BRF1: variants seen among roughly 807,000 people sequenced by gnomAD.
The protein encoded by BRF1 is transcription factor IIIB 90 kDa subunit.
BRF1 carries 59 observed loss-of-function variants against 81.7 expected under a neutral mutation model. The ratio of observed to expected loss-of-function variants is 0.72; its 90% CI spans 0.59 to 0.90. The LOEUF (loss-of-function observed/expected upper bound fraction) is 0.90. BRF1 is among the 40% of genes least tolerant of loss of function. The pLI is 0.00. For missense variants in BRF1, 1,050 were observed against 936.3 expected (o/e 1.12, Z -1.58); for synonymous variants, 491 against 395.6 (o/e 1.24, Z -2.86).
At chr14:105,260,322 C>T (rs2056090082) in intron 3 of BRF1, among the ~76,000 whole-genome samples, 2 of 152,018 alleles carry the variant, frequency 1.3e-5, no homozygotes, top group South Asian at 4.1e-4. Context: ...GAGCGGACCA[C>T]AGGTGTGAGC....
At position 105,269,477 on chromosome 14, in the gene BRF1, G is replaced by A. The variant is rs2056567317; in HGVS notation, c.439+3244C>T. Among the ~76,000 whole-genome samples, 1 of 152,114 alleles carries A rather than the reference G, an allele frequency of 6.6e-6. No homozygotes were observed. Among genetic ancestry groups the A allele is most frequent in the African/African-American group, 2.4e-5 (1 of 41,406 alleles). ...TGGGTTTTCGTAAATCCCCAGAGCT[G>A]AGCAACCACCACCAGGATCTAATTT... On this transcript the variant is annotated intron_variant, in intron 3 of 17. Transcript: ENST00000547530. The surrounding 1 kb of genome is among the most constrained non-coding windows in gnomAD (Gnocchi z 5.0).
intron 6 of BRF1, among the ~76,000 whole-genome samples, chr14:105,229,493 C>G (rs140387111): frequency 6.6e-6 from 1 of 152,198 alleles, no homozygotes; most frequent in Non-Finnish European, 1.5e-5. Context: ...AGGGCCCTGC[C>G]GACCTGGGGC....
upstream of BRF1, among the ~76,000 whole-genome samples, chr14:105,301,804 T>C (rs2058039502): frequency 1.3e-5 from 2 of 152,184 alleles, no homozygotes; most frequent in Non-Finnish European, 2.9e-5. Context: ...CTGTTCACAA[T>C]CGCCATAGGG....
At chr14:105,229,431 C>T (rs1050866371) in intron 6 of BRF1, among the ~76,000 whole-genome samples, 2 of 152,238 alleles carry the variant, frequency 1.3e-5, no homozygotes, top group African/African-American at 2.4e-5. Flanking sequence ...ACCTGGCCTG[C>T]CGGGTAGAGT....
rs1272229388 is a variant in BRF1, at chr14:105,210,509, C to CCTG, written c.*41_*42insCAG. ...GCCCGTCTGATGCTGAGGAGACCCG[C>CCTG]GAGGCCCCCTGCCAGGACATCACCT... On this transcript the variant is annotated 3_prime_UTR_variant, in exon 18 of 18. Coordinates refer to ENST00000547530, the MANE Select transcript of BRF1 (RefSeq NM_001519.4). The surrounding 1 kb of genome is among the most constrained non-coding windows in gnomAD (Gnocchi z 4.7). 1 of 1,605,754 alleles carries CCTG rather than the reference C, an allele frequency of 6.2e-7. No homozygotes were observed. The highest frequency in any genetic ancestry group is 1.1e-5 in the South Asian group (1 of 90,536).
At chr14:105,214,888 G>A (rs971938003) in intron 15 of BRF1, among the ~76,000 whole-genome samples, 5 of 151,984 alleles carry the variant, frequency 3.3e-5, no homozygotes, top group African/African-American at 9.7e-5. Flanking sequence ...TTCCTCACCC[G>A]AGTGTGGGTG....
intron 2 of BRF1, among the ~76,000 whole-genome samples, chr14:105,274,788 C>T (rs917586897): frequency 6.6e-6 from 1 of 152,114 alleles, no homozygotes; most frequent in Non-Finnish European, 1.5e-5. Flanking sequence ...CTGCAGAGCA[C>T]AGGCTGTGTG....
chr14:105,210,707 G>A lies in BRF1; in HGVS notation c.1997-119C>T, dbSNP rs1025115741. On this transcript the variant is annotated intron_variant, in intron 17 of 17. Transcript: ENST00000547530. This position sits in a 1 kb window ranked among gnomAD's most constrained non-coding sequence, Gnocchi z 4.7. Reference sequence around the variant, plus strand: ...GACTCAGGCTCCAGCCCCAGCCCCAGCCCCCCGCGCCCCGCCAGGAGCCAT... The same window carrying A: ...GACTCAGGCTCCAGCCCCAGCCCCAACCCCCCGCGCCCCGCCAGGAGCCAT... The A allele has an allele frequency of 5.6e-6, 6 of 1,066,358 alleles. No individual in the cohort carries two copies. The African/African-American group carries it at 8.7e-5, about 15-fold the overall frequency. The allele number at this position is 1,066,358 out of a possible 1,614,324, so 66.1% of individuals were successfully genotyped here.
chr14:105,249,894 T>C, intron 5 of BRF1: 1 of 1,611,472 alleles, frequency 6.2e-7, no homozygotes, highest in South Asian at 1.1e-5. Context: ...TTCTGTGAGA[T>C]AGACCGGCAG....
rs1213661372 is a variant in BRF1 at position 105,209,598 on chromosome 14, C to T, written c.*953G>A. ...CTCCTACGAGTGGTACTGGGGCCTTCCCACGAAGAGGCCTGGGGAGGCTCT... is the reference window on the plus strand; with the variant it reads ...CTCCTACGAGTGGTACTGGGGCCTTTCCACGAAGAGGCCTGGGGAGGCTCT... On this transcript the variant is annotated 3_prime_UTR_variant, in exon 18 of 18. Transcript: ENST00000547530. 1 of 702,396 alleles carries T rather than the reference C, an allele frequency of 1.4e-6. No homozygotes were observed. Among genetic ancestry groups the T allele is most frequent in the East Asian group, 2.7e-5 (1 of 37,278 alleles). The allele number at this position is 702,396 out of a possible 1,614,324, so 43.5% of individuals were successfully genotyped here. A position where few individuals can be genotyped will look rare whatever the true frequency, so the allele number is the denominator to read the frequency against.
At chr14:105,218,137 G>A (rs891618000) in intron 14 of BRF1, among the ~76,000 whole-genome samples, 2 of 152,140 alleles carry the variant, frequency 1.3e-5, no homozygotes, top group African/African-American at 2.4e-5. Flanking sequence ...ACGGCAGGGC[G>A]ATGTGCTGCT....
At chr14:105,229,172 G>A (rs1038991151) in intron 6 of BRF1, among the ~76,000 whole-genome samples, 4 of 152,204 alleles carry the variant, frequency 2.6e-5, no homozygotes, top group African/African-American at 7.2e-5. Flanking sequence ...AGAGCTTCAC[G>A]TAATCCCTCA....
At chr14:105,215,684 T>C (rs1366323040) in intron 15 of BRF1, among the ~76,000 whole-genome samples, 3 of 99,914 alleles carry the variant, frequency 3.0e-5, no homozygotes, top group African/African-American at 7.9e-5. Context: ...CACACACACA[T>C]GCACACAAAT....
At chr14:105,229,603 G>T (rs989563184) in intron 6 of BRF1, among the ~76,000 whole-genome samples, 1 of 152,206 alleles carries the variant, frequency 6.6e-6, no homozygotes, top group African/African-American at 2.4e-5. Flanking sequence ...CGACCTGGGG[G>T]GTCACAGAGG....
chr14:105,294,293 A>G (rs975246071), intron 1 of BRF1, among the ~76,000 whole-genome samples: 8 of 152,196 alleles, frequency 5.3e-5, no homozygotes, highest in Admixed American at 4.6e-4. Flanking sequence ...GCCTGGGCTC[A>G]GAGGCGTCTT....
At chr14:105,248,297 C>T in intron 5 of BRF1, 1 of 985,472 alleles carries the variant, frequency 1.0e-6, no homozygotes, top group Non-Finnish European at 1.2e-6. Context: ...ACAAGCAGGT[C>T]CACCTGCGTT....
rs772857628 is a variant in BRF1 at position 105,272,804 on chromosome 14, C to T, written c.356G>A (p.Ser119Asn). Residue 119 changes from serine (S) to asparagine (N), a missense_variant, in exon 3 of 18, where the codon AGC (serine) becomes AAC (asparagine). Transcript: ENST00000547530. ...TAFNFFKMAV[S>N]RHLTRGRKMA... ...CTTCCGGCCGCGGGTCAGGTGCCTG[C>T]TCACGGCCATCTTGAAGAAGTTGAA... 1 of 1,614,058 alleles carries T rather than the reference C, an allele frequency of 6.2e-7. No individual in the cohort carries two copies. Among genetic ancestry groups the T allele is most frequent in the Non-Finnish European group, 8.5e-7 (1 of 1,180,016 alleles).
chr14:105,229,190 C>G (rs1196206732), intron 6 of BRF1, among the ~76,000 whole-genome samples: 2 of 152,204 alleles, frequency 1.3e-5, no homozygotes, highest in Admixed American at 6.5e-5. Flanking sequence ...TCAAAGCAAA[C>G]AAACTAACTC....
intron 3 of BRF1, among the ~76,000 whole-genome samples, chr14:105,265,025 A>C (rs767808209): frequency 6.6e-6 from 1 of 151,898 alleles, no homozygotes; most frequent in Non-Finnish European, 1.5e-5. Context: ...AAAGACATCA[A>C]GTCATAAGTT....
Sources: gnomAD v4.1 joint callset for allele counts (sites outside exome capture counted in the v4.1 genomes callset) on GRCh38, gnomAD v4.1.1 for gene constraint, Gnocchi (gnomAD v3.1) non-coding constraint, MANE v1.5 for transcripts, NCBI Gene and HGNC (gene_info 2026-07-23, HGNC 2026-07-21) for gene names.